The following CRTC1 variants were observed in gnomAD, a reference collection of about 807,000 sequenced individuals.
CRTC1 encodes the protein CREB regulated transcription coactivator 1.
In CRTC1, 18 loss-of-function variants were observed where a neutral mutation model predicts 66.1. That is an observed-to-expected ratio of 0.27 (90% confidence interval 0.19 to 0.40). The LOEUF is 0.40. CRTC1 is among the 10% of genes least tolerant of loss of function. The pLI is 1.00. For synonymous variants in CRTC1, 416 were observed against 398.8 expected, an observed-to-expected ratio of 1.04 and a Z score of -0.51; for missense variants, 669 against 887.9, an observed-to-expected ratio of 0.75 and a Z score of 3.13.
At chr19:18,769,641 T>C (rs1397630231) in intron 10 of CRTC1, among the ~76,000 whole-genome samples, 1 of 152,002 alleles carries the variant, frequency 6.6e-6, no homozygotes, top group Non-Finnish European at 1.5e-5. Context: ...CCAAGTCCTT[T>C]CTTTGGTGGA....
chr19:18,718,674 A>G (rs1272177308), intron 1 of CRTC1, among the ~76,000 whole-genome samples: 5 of 151,906 alleles, frequency 3.3e-5, no homozygotes, highest in African/African-American at 9.7e-5. Context: ...ATCTTATTCC[A>G]CTGTATGGAC....
intron 10 of CRTC1, among the ~76,000 whole-genome samples, chr19:18,769,702 C>A (rs537884657): frequency 6.6e-6 from 1 of 152,256 alleles, no homozygotes; most frequent in East Asian, 1.9e-4. Flanking sequence ...CGCCTTGGAG[C>A]TGGGTGGTTC....
At chr19:18,743,700 G>C (rs761092470) in intron 2 of CRTC1, among the ~76,000 whole-genome samples, 74 of 152,322 alleles carry the variant, frequency 4.9e-4, no homozygotes, top group Non-Finnish European at 5.9e-4. Flanking sequence ...TGACAGGCCA[G>C]ATGGAGCCGG....
At chr19:18,694,735 G>A (rs527991568) in intron 1 of CRTC1, among the ~76,000 whole-genome samples, 5 of 151,838 alleles carry the variant, frequency 3.3e-5, no homozygotes, top group East Asian at 3.9e-4. Context: ...TGCGCCAGGC[G>A]CATCTGGCCC....
intron 1 of CRTC1, among the ~76,000 whole-genome samples, chr19:18,719,801 CCGTG>C (rs2053583579): frequency 6.6e-6 from 1 of 152,232 alleles, no homozygotes; most frequent in African/African-American, 2.4e-5. Flanking sequence ...GCCTCCTCTG[CCGTG>C]TCTGGGATCT....
chr19:18,749,255 C>T (rs1242611469), intron 4 of CRTC1, among the ~76,000 whole-genome samples: 1 of 152,202 alleles, frequency 6.6e-6, no homozygotes, highest in Non-Finnish European at 1.5e-5. Flanking sequence ...CTTCCGGGGC[C>T]TTCTCCTAGC....
chr19:18,708,224 A>G (rs1015071294), intron 1 of CRTC1, among the ~76,000 whole-genome samples: 4 of 152,096 alleles, frequency 2.6e-5, no homozygotes, highest in African/African-American at 9.7e-5. Flanking sequence ...AAGGCCCAAG[A>G]GCCAAGCTGG....
chr19:18,753,668 G>C (rs536548340), intron 6 of CRTC1, 83 bp downstream of exon 6: 25 of 1,016,308 alleles, frequency 2.5e-5, no homozygotes, highest in Middle Eastern at 2.1e-4. Context: ...AAAATGGCAG[G>C]TTGGGGTGGC....
At chr19:18,762,676 T>A (rs1167330352) in intron 8 of CRTC1, among the ~76,000 whole-genome samples, 2 of 152,102 alleles carry the variant, frequency 1.3e-5, no homozygotes, top group Admixed American at 6.5e-5. Flanking sequence ...CCCTGGCAGC[T>A]CTCCCTGCCC....
chr19:18,702,151 G>A (rs1359473809), intron 1 of CRTC1, among the ~76,000 whole-genome samples: 1 of 151,474 alleles, frequency 6.6e-6, no homozygotes, highest in Non-Finnish European at 1.5e-5. Flanking sequence ...TTGAACTCCC[G>A]ACCTCAGGTG....
chr19:18,718,427 C>G (rs1600830356), intron 1 of CRTC1, among the ~76,000 whole-genome samples: 3 of 152,094 alleles, frequency 2.0e-5, no homozygotes, highest in Non-Finnish European at 2.9e-5. Context: ...GCCTCCACCT[C>G]TTGGGCTCTG....
At chr19:18,738,969 G>A (rs1421598466) in intron 1 of CRTC1, among the ~76,000 whole-genome samples, 2 of 152,270 alleles carry the variant, frequency 1.3e-5, no homozygotes, top group South Asian at 2.1e-4. Flanking sequence ...GGGCTTGGGC[G>A]GCTGGAGGGA....
chr19:18,754,007 G>A (rs1435760367), intron 6 of CRTC1, among the ~76,000 whole-genome samples: 1 of 152,002 alleles, frequency 6.6e-6, no homozygotes, highest in Non-Finnish European at 1.5e-5. Context: ...AGACTGAGGT[G>A]GGAGAATCGT....
intron 1 of CRTC1, among the ~76,000 whole-genome samples, chr19:18,739,680 T>C (rs566386745): frequency 1.3e-5 from 2 of 152,238 alleles, no homozygotes; most frequent in Admixed American, 1.3e-4. Context: ...TGAGAAAAGC[T>C]GTGATGTTGC....
In CRTC1 at chr19:18,747,130, C is replaced by CT; in HGVS notation, c.443+16_443+17insT. ...GCTGGAGAAGGTCAGTGGCTGGACA[C>CT]CCCCCCCCCGCCCCCTTCTTGTTGG... is the stretch of plus-strand genomic sequence containing the variant. On this transcript the variant is annotated intron_variant, in intron 4 of 13. Coordinates refer to ENST00000321949, the MANE Select transcript of CRTC1 (RefSeq NM_015321.3). The CT allele has an allele frequency of 1.0e-5, 3 of 299,070 alleles. No homozygotes were observed. Among genetic ancestry groups the CT allele is most frequent in the Non-Finnish European group, 1.6e-5 (3 of 188,886 alleles). The allele number at this position is 299,070 out of a possible 1,614,324, so 18.5% of individuals were successfully genotyped here. A position where few individuals can be genotyped will look rare whatever the true frequency, so the allele number is the denominator to read the frequency against.
intron 1 of CRTC1, among the ~76,000 whole-genome samples, chr19:18,685,953 A>G (rs2052675318): frequency 6.6e-6 from 1 of 152,242 alleles, no homozygotes; most frequent in Non-Finnish European, 1.5e-5. Flanking sequence ...TGATTCACAC[A>G]TCATACAATT....
At chr19:18,723,808 A>G (rs899051147) in intron 1 of CRTC1, among the ~76,000 whole-genome samples, 1 of 152,190 alleles carries the variant, frequency 6.6e-6, no homozygotes, top group East Asian at 1.9e-4. Flanking sequence ...AGATGGAGTG[A>G]GACAGCCCCT....
intron 1 of CRTC1, among the ~76,000 whole-genome samples, chr19:18,688,893 T>G (rs1156701112): frequency 6.6e-6 from 1 of 152,102 alleles, no homozygotes; most frequent in Non-Finnish European, 1.5e-5. Flanking sequence ...CAACAGTTAC[T>G]TCCCACTCCC....
At chr19:18,751,769 C>T (rs1228969884) in intron 5 of CRTC1, among the ~76,000 whole-genome samples, 2 of 152,088 alleles carry the variant, frequency 1.3e-5, no homozygotes, top group African/African-American at 2.4e-5. Flanking sequence ...TGATCTGAAC[C>T]CCTGTGCTTG....
Sources: allele counts gnomAD v4.1 joint callset (sites outside exome capture counted in the v4.1 genomes callset), GRCh38; gene constraint gnomAD v4.1.1; transcripts MANE v1.5; gene names NCBI Gene and HGNC (gene_info 2026-07-23, HGNC 2026-07-21).